Variants in ADPRM observed in about 807,000 individuals in gnomAD.
The protein encoded by ADPRM is ADP-ribose/CDP-alcohol diphosphatase, manganese dependent.
In ADPRM, 17 loss-of-function variants were observed where a neutral mutation model predicts 27.2. The ratio of observed to expected loss-of-function variants is 0.63; its 90% CI spans 0.43 to 0.94. The LOEUF is 0.94. Ranked by LOEUF, ADPRM falls within the 40% of genes least tolerant of loss-of-function variation. The pLI is 0.00. For synonymous variants in ADPRM, 135 were observed against 145.3 expected, an observed-to-expected ratio of 0.93 and a Z score of 0.51; for missense variants, 337 against 412.8, an observed-to-expected ratio of 0.82 and a Z score of 1.59.
At chr17:10,704,228 A>G (rs1304826159) in intron 1 of ADPRM, among the ~76,000 whole-genome samples, 1 of 151,496 alleles carries the variant, frequency 6.6e-6, no homozygotes, top group Non-Finnish European at 1.5e-5. Context: ...CAGCTATTGA[A>G]GAACCGGGAA....
At chr17:10,708,446 A>AC (rs2074829229) in intron 3 of ADPRM, among the ~76,000 whole-genome samples, 2 of 151,080 alleles carry the variant, frequency 1.3e-5, no homozygotes, top group Admixed American at 6.6e-5. Flanking sequence ...AAAAAAAAAA[A>AC]AAAACCTTTG....
Position 10,697,610 on chromosome 17 carries a change from G to T in ADPRM, c.-75G>T. On this transcript the variant is annotated 5_prime_UTR_variant, in exon 1 of 4. Coordinates refer to ENST00000379774, the MANE Select transcript of ADPRM (RefSeq NM_020233.5). ...AGTCGCTCTGTCCGTCCCGCTCGTT[G>T]GTGGCGCTGTTACATAGCCCGTAGT... The T allele has an allele frequency of 9.8e-6, 14 of 1,431,674 alleles. No individual in the cohort carries two copies. Among genetic ancestry groups the T allele is most frequent in the East Asian group, 2.4e-5 (1 of 41,916 alleles). The allele number at this position is 1,431,674 out of a possible 1,614,324, so 88.7% of individuals were successfully genotyped here.
In ADPRM at chr17:10,697,714, GGT is replaced by G. The variant is rs1251923485; in HGVS notation, c.-18+49_-18+50del. 4.8e-4 allele frequency: 319 copies of G among 671,106 alleles called. 4 individuals carry two copies. In the East Asian group the frequency reaches 8.7e-3, roughly 18 times the overall value. 41.6% of individuals were successfully genotyped at this position (671,106 alleles called of 1,614,324 possible). A position where few individuals can be genotyped will look rare whatever the true frequency, so the allele number is the denominator to read the frequency against. ...GAGGCGGGTCTGGCGCGGGCTGGGC[GGT>G]GCTGCGGGGCCGCGGGACAGCGGAG... On this transcript the variant is annotated intron_variant, in intron 1 of 3. Coordinates refer to ENST00000379774, the MANE Select transcript of ADPRM (RefSeq NM_020233.5).
rs184824445 is a variant in ADPRM, at chr17:10,706,885, G to A, written c.718+331G>A. Among the ~76,000 whole-genome samples the A allele has an allele frequency of 2.7e-3, 414 of 152,114 alleles. 3 individuals carry two copies. The highest frequency in any genetic ancestry group is 0.019 in the South Asian group (91 of 4,826). On this transcript the variant is annotated intron_variant, in intron 3 of 3. Transcript: ENST00000379774. ...ATTATTGAAATCATTGTAGATTCACGTGCATTTGTAAGAAATAATTCAGAG... is the reference window on the plus strand; with the variant it reads ...ATTATTGAAATCATTGTAGATTCACATGCATTTGTAAGAAATAATTCAGAG...
rs1389090745 is a variant in ADPRM at position 10,702,150 on chromosome 17, C to A, written c.-17-2760C>A. ...CTGAAAAAGTCCGAAATCTAAAACA[C>A]TTCTGGTCCCAAGCATTTTGGATAA... On this transcript the variant is annotated intron_variant, in intron 1 of 3. Transcript: ENST00000379774. This position sits in a 1 kb window ranked among gnomAD's most constrained non-coding sequence, Gnocchi z 4.2. Among the ~76,000 whole-genome samples the A allele has an allele frequency of 4.6e-5, 7 of 152,206 alleles. No homozygotes were observed. The highest frequency in any genetic ancestry group is 2.9e-5 in the Non-Finnish European group (2 of 68,042).
chr17:10,710,802 G>A, intron 3 of ADPRM, 32 bp from the exon 4 acceptor site: 1 of 1,567,490 alleles, frequency 6.4e-7, no homozygotes, highest in Non-Finnish European at 8.7e-7. Context: ...TTTCTTAATT[G>A]GCTCATAACT....
At chr17:10,701,956 G>T (rs192741075) in intron 1 of ADPRM, among the ~76,000 whole-genome samples, 2 of 152,156 alleles carry the variant, frequency 1.3e-5, no homozygotes, top group South Asian at 4.1e-4. Flanking sequence ...TTGCACTGCC[G>T]TACTCACTTC....
At chr17:10,701,250 A>G (rs1161946540) in intron 1 of ADPRM, among the ~76,000 whole-genome samples, 1 of 152,184 alleles carries the variant, frequency 6.6e-6, no homozygotes, top group Non-Finnish European at 1.5e-5. Flanking sequence ...TTCAAAAGCG[A>G]AATATTTCCT....
At chr17:10,704,808 GC>G (rs2074802674) in intron 1 of ADPRM, 101 bp from the exon 2 acceptor site, 1 of 1,017,634 alleles carries the variant, frequency 9.8e-7, no homozygotes, top group Non-Finnish European at 1.4e-6. Flanking sequence ...GTACCAAGCT[GC>G]CTAATGAATT....
rs755711814 is a variant in ADPRM at position 10,711,054 on chromosome 17, T to C, written c.939T>C (p.His313=). 1 of 1,614,150 alleles carries C rather than the reference T, an allele frequency of 6.2e-7. No individual in the cohort carries two copies. The highest frequency in any genetic ancestry group is 8.5e-7 in the Non-Finnish European group (1 of 1,179,984). The change falls in exon 4 of 4, where the codon CAT becomes CAC. Residue 313 remains histidine (H), a synonymous_variant. Transcript: ENST00000379774. ...APDSQAFGTV[H]VYPDKMMLKG... is the part of the protein sequence containing the mutation. ...ACAGCCAAGCCTTTGGCACAGTTCA[T>C]GTCTATCCTGACAAAATGATGTTGA... is the stretch of plus-strand genomic sequence containing the variant.
chr17:10,705,617 T>G lies in ADPRM; in HGVS notation c.601+90T>G. ...TCAGCAGGAAGATGGACAATTAAGG[T>G]AAAAGTATATTGTCACTTGTTCAGG... On this transcript the variant is annotated intron_variant, in intron 2 of 3. Transcript: ENST00000379774. This position sits in a 1 kb window ranked among gnomAD's most constrained non-coding sequence, Gnocchi z 5.4. 1.3e-6 allele frequency: 2 copies of G among 1,514,226 alleles called. No individual in the cohort carries two copies. The highest frequency in any genetic ancestry group is 1.8e-6 in the Non-Finnish European group (2 of 1,133,106). The allele number at this position is 1,514,226 out of a possible 1,614,324, so 93.8% of individuals were successfully genotyped here. A position where few individuals can be genotyped will look rare whatever the true frequency, so the allele number is the denominator to read the frequency against.
At position 10,705,028 on chromosome 17, in the gene ADPRM, C is replaced by T. The variant is rs961826422; in HGVS notation, c.102C>T (p.Gly34=). The T allele has an allele frequency of 6.2e-7, 1 of 1,614,000 alleles. No individual in the cohort carries two copies. The highest frequency in any genetic ancestry group is 1.3e-5 in the African/African-American group (1 of 74,892). The part of the protein sequence containing the change: ...ADVQFADLED[G]FNFQGTRRRY... ...TTCAATTTGCAGACTTAGAAGATGG[C>T]TTTAATTTCCAAGGAACCAGGCGGC... Residue 34 remains glycine (G), a synonymous_variant, in exon 2 of 4, where the codon GGC becomes GGT. Coordinates refer to ENST00000379774, the MANE Select transcript of ADPRM (RefSeq NM_020233.5). This position sits in a 1 kb window ranked among gnomAD's most constrained non-coding sequence, Gnocchi z 5.4.
chr17:10,699,628 G>A (rs2074763168), intron 1 of ADPRM, among the ~76,000 whole-genome samples: 2 of 149,930 alleles, frequency 1.3e-5, no homozygotes, highest in Admixed American at 6.7e-5. Flanking sequence ...GGGTTCAAGC[G>A]ATTCTCTTGC....
chr17:10,700,116 C>G (rs2074766722), intron 1 of ADPRM, among the ~76,000 whole-genome samples: 1 of 152,318 alleles, frequency 6.6e-6, no homozygotes, highest in Non-Finnish European at 1.5e-5. Flanking sequence ...ATGCTGCACC[C>G]TTAGGCTAGG....
In ADPRM at chr17:10,705,301, A is replaced by G; in HGVS notation, c.375A>G (p.Lys125=). The part of the protein sequence containing the change: ...NFSREYLTHS[K]LNTKFLEDQI... ...GTAGAGAGTATTTAACACACTCTAAACTTAACACTAAGTTTCTAGAAGATC... is the reference window on the plus strand; with the variant it reads ...GTAGAGAGTATTTAACACACTCTAAGCTTAACACTAAGTTTCTAGAAGATC... The change falls in exon 2 of 4, where the codon AAA becomes AAG. Residue 125 remains lysine (K), a synonymous_variant. Coordinates refer to ENST00000379774, the MANE Select transcript of ADPRM (RefSeq NM_020233.5). This position sits in a 1 kb window ranked among gnomAD's most constrained non-coding sequence, Gnocchi z 5.4. 6.2e-7 allele frequency: 1 copy of G among 1,614,024 alleles called. No individual in the cohort carries two copies. Among genetic ancestry groups the G allele is most frequent in the South Asian group, 1.1e-5 (1 of 91,076 alleles).
Position 10,697,647 on chromosome 17 carries a change from C to CA in ADPRM, c.-37dup, listed in dbSNP as rs2074742471. 9.2e-7 allele frequency: 1 copy of CA among 1,082,060 alleles called. No individual in the cohort carries two copies. The highest frequency in any genetic ancestry group is 1.4e-6 in the Non-Finnish European group (1 of 728,942). 67.0% of individuals were successfully genotyped at this position (1,082,060 alleles called of 1,614,324 possible). On this transcript the variant is annotated 5_prime_UTR_variant, in exon 1 of 4. Transcript: ENST00000379774. ...ACATAGCCCGTAGTCAGAGGCCTTT[C>CA]AGCCCAGGGGCCGGCGCACGGTAGG...
At chr17:10,700,766 GA>G (rs571890298) in intron 1 of ADPRM, among the ~76,000 whole-genome samples, 5,066 of 112,296 alleles carry the variant, frequency 0.045, 255 homozygotes, top group African/African-American at 0.14. Flanking sequence ...CCTGTCTCAG[GA>G]AAAAAAAAAA....
rs369851715 is a variant in ADPRM at position 10,705,498 on chromosome 17, A to G, written c.572A>G (p.Asn191Ser). 33 of 1,613,678 alleles carry G rather than the reference A, an allele frequency of 2.0e-5. No homozygotes were observed. Among genetic ancestry groups the G allele is most frequent in the South Asian group, 7.7e-5 (7 of 91,084 alleles). ...TGTATGAAGATATTGAGGGAGCACA[A>G]TCCAAATACGGAACTGAATAGTCCT... ...EQCMKILREH[N>S]PNTELNSPQG... Residue 191 changes from asparagine (N) to serine (S), a missense_variant, in exon 2 of 4, where the codon AAT becomes AGT. Transcript: ENST00000379774. This position sits in a 1 kb window ranked among gnomAD's most constrained non-coding sequence, Gnocchi z 5.4.
At chr17:10,701,813 G>GA (rs1165358736) in intron 1 of ADPRM, among the ~76,000 whole-genome samples, 1 of 152,074 alleles carries the variant, frequency 6.6e-6, no homozygotes, top group Admixed American at 6.5e-5. Context: ...TTCCTCACTG[G>GA]AGGTGGCTTT....
Sources: gnomAD v4.1 joint callset for allele counts (sites outside exome capture counted in the v4.1 genomes callset) on GRCh38, gnomAD v4.1.1 for gene constraint, Gnocchi (gnomAD v3.1) non-coding constraint, MANE v1.5 for transcripts, NCBI Gene and HGNC (gene_info 2026-07-23, HGNC 2026-07-21) for gene names.